MAML3: variants seen among roughly 807,000 people sequenced by gnomAD.
MAML3 encodes the protein mastermind like transcriptional coactivator 3, also known as mastermind-like protein 3.
Under a neutral mutation model 101.9 loss-of-function variants are expected in MAML3, and 27 were observed. The ratio of observed to expected loss-of-function variants is 0.27; its 90% confidence interval spans 0.20 to 0.37. The LOEUF (loss-of-function observed/expected upper bound fraction) is 0.37. Ranked by LOEUF, MAML3 falls within the 10% of genes least tolerant of loss-of-function variation. The probability of loss-of-function intolerance (pLI) is 1.00; values close to 1 mark genes in which losing one functional copy is unlikely to be tolerated. For missense variants in MAML3, 1,316 were observed against 1,444.9 expected, an observed-to-expected ratio of 0.91 and a Z score of 1.45; for synonymous variants, 501 against 555.9, an observed-to-expected ratio of 0.90 and a Z score of 1.39.
chr4:140,132,462 A>C (rs560663966), intron 1 of MAML3, among the ~76,000 whole-genome samples: 1 of 152,210 alleles, frequency 6.6e-6, no homozygotes, highest in Non-Finnish European at 1.5e-5. Context: ...GCCTTTTCTA[A>C]CTTCCTCTGG....
At chr4:139,843,001 G>T (rs1404221317) in intron 2 of MAML3, among the ~76,000 whole-genome samples, 1 of 151,786 alleles carries the variant, frequency 6.6e-6, no homozygotes, top group Non-Finnish European at 1.5e-5. Context: ...GGCTGGTCTT[G>T]AACCCCTGAC....
intron 1 of MAML3, among the ~76,000 whole-genome samples, chr4:140,031,928 C>T (rs902468212): frequency 3.5e-4 from 54 of 152,362 alleles, no homozygotes; most frequent in African/African-American, 1.2e-3. Flanking sequence ...ACCCCCAACT[C>T]TTACTGGAAG....
chr4:139,827,095 AG>A (rs1731074313), intron 2 of MAML3, among the ~76,000 whole-genome samples: 1 of 152,166 alleles, frequency 6.6e-6, no homozygotes, highest in Admixed American at 6.5e-5. Flanking sequence ...GCATGATAGG[AG>A]CGTCTTGGTG....
chr4:140,152,438 A>G (rs1009075735), intron 1 of MAML3, among the ~76,000 whole-genome samples: 1 of 151,550 alleles, frequency 6.6e-6, no homozygotes, highest in Middle Eastern at 3.2e-3. Context: ...GCGTAGGGGG[A>G]CGGGTCTGGG....
intron 1 of MAML3, among the ~76,000 whole-genome samples, chr4:140,083,504 G>A (rs1469782861): frequency 6.6e-6 from 1 of 152,186 alleles, no homozygotes; most frequent in Non-Finnish European, 1.5e-5. Context: ...AATACAGATG[G>A]ATATGTTCCT....
chr4:139,880,923 T>C (rs974876909), intron 2 of MAML3, among the ~76,000 whole-genome samples: 22 of 151,966 alleles, frequency 1.4e-4, no homozygotes, highest in Non-Finnish European at 2.5e-4. Flanking sequence ...ACAAAGAAGA[T>C]GGGAGATGGC....
chr4:139,780,816 G>C (rs1352809867), intron 2 of MAML3, among the ~76,000 whole-genome samples: 1 of 151,946 alleles, frequency 6.6e-6, no homozygotes, highest in Non-Finnish European at 1.5e-5. Flanking sequence ...TTTTAGCAGA[G>C]ACGGGTTTTA....
chr4:139,770,280 A>T (rs1237892233), intron 2 of MAML3, among the ~76,000 whole-genome samples: 1 of 152,154 alleles, frequency 6.6e-6, no homozygotes, highest in Non-Finnish European at 1.5e-5. Flanking sequence ...AGAAATTTTC[A>T]TTACCTTTGC....
At chr4:139,790,231 A>ATAT (rs1730381976) in intron 2 of MAML3, among the ~76,000 whole-genome samples, 1 of 144,070 alleles carries the variant, frequency 6.9e-6, no homozygotes, top group African/African-American at 2.6e-5. Flanking sequence ...ATATATATAT[A>ATAT]TATATATATA....
At chr4:140,090,337 A>G (rs1429623783) in intron 1 of MAML3, among the ~76,000 whole-genome samples, 3 of 152,246 alleles carry the variant, frequency 2.0e-5, no homozygotes, top group Admixed American at 6.5e-5. Context: ...ATGGAATGTT[A>G]GAATGTTGTT....
chr4:139,890,706 T>C lies in MAML3; in HGVS notation c.730A>G (p.Ser244Gly). 2 of 1,614,036 alleles carry C rather than the reference T, an allele frequency of 1.2e-6. No individual in the cohort carries two copies. The highest frequency in any genetic ancestry group is 1.1e-5 in the South Asian group (1 of 91,076). ...THTPGLLEDL[S>G]KNGRLPEIKL... ...ATCTCAGGGAGCCTACCATTCTTAC[T>C]TAGATCTTCTAGAAGCCCAGGAGTG... Residue 244 changes from serine (S) to glycine (G), a missense_variant, in exon 2 of 5, where the codon AGT becomes GGT. Transcript: ENST00000509479. This position sits in a 1 kb window ranked among gnomAD's most constrained non-coding sequence, Gnocchi z 4.1.
At chr4:139,934,099 G>A (rs1392415579) in intron 1 of MAML3, among the ~76,000 whole-genome samples, 3 of 152,074 alleles carry the variant, frequency 2.0e-5, no homozygotes, top group Non-Finnish European at 2.9e-5. Flanking sequence ...GTGTGAATGA[G>A]TGTGTGTCTA....
chr4:139,771,794 C>T (rs1729986027), intron 2 of MAML3, among the ~76,000 whole-genome samples: 1 of 152,100 alleles, frequency 6.6e-6, no homozygotes, highest in Non-Finnish European at 1.5e-5. Context: ...GAAGATGTAG[C>T]TTTCGGGGGC....
rs77641569 is a variant in MAML3, at chr4:139,957,332, G to T, written c.469-66365C>A. On this transcript the variant is annotated intron_variant, in intron 1 of 4. Transcript: ENST00000509479. ...TGATTAACTTGCCCAAAGTCACAAA[G>T]CCAAAATGCAGCAAGTTAGGAATCA... Among the ~76,000 whole-genome samples, 50 of 152,312 alleles carry T rather than the reference G, an allele frequency of 3.3e-4. 1 individual carries two copies. The highest frequency in any genetic ancestry group is 1.1e-3 in the African/African-American group (46 of 41,562).
intron 1 of MAML3, among the ~76,000 whole-genome samples, chr4:139,976,786 C>A (rs1734347077): frequency 6.6e-6 from 1 of 152,112 alleles, no homozygotes; most frequent in Non-Finnish European, 1.5e-5. Context: ...TAAATACATA[C>A]CCTAAATTAA....
chr4:139,890,618 T>C lies in MAML3; in HGVS notation c.818A>G (p.Asp273Gly), dbSNP rs2111199308. The C allele has an allele frequency of 1.9e-6, 3 of 1,613,978 alleles. No homozygotes were observed. In the South Asian group the frequency reaches 3.3e-5, roughly 18 times the overall value. Reference protein sequence around the residue: ...EDSFTILQSKDLKQEPLDDPT... With the variant: ...EDSFTILQSKGLKQEPLDDPT... ...GTCATCGAGAGGTTCTTGTTTGAGG[T>C]CTTTGCTCTGCAAGATGGTGAAGCT... Residue 273 changes from aspartate (D) to glycine (G), a missense_variant, in exon 2 of 5, where the codon GAC (aspartate) becomes GGC (glycine). Transcript: ENST00000509479. This position sits in a 1 kb window ranked among gnomAD's most constrained non-coding sequence, Gnocchi z 4.1.
chr4:140,105,648 C>T (rs943688139), intron 1 of MAML3, among the ~76,000 whole-genome samples: 3 of 152,124 alleles, frequency 2.0e-5, no homozygotes, highest in Non-Finnish European at 4.4e-5. Flanking sequence ...CAAACAGCTG[C>T]CTGTTTAAAT....
chr4:139,952,557 T>TA (rs141150774), intron 1 of MAML3, among the ~76,000 whole-genome samples: 3,349 of 150,958 alleles, frequency 0.022, 114 homozygotes, highest in South Asian at 0.074. Context: ...CCACTGCAGT[T>TA]AAAAAAAAAC....
chr4:140,086,867 G>A (rs1014998170), intron 1 of MAML3, among the ~76,000 whole-genome samples: 4 of 152,102 alleles, frequency 2.6e-5, no homozygotes, highest in Non-Finnish European at 5.9e-5. Flanking sequence ...TTTGAAAAAA[G>A]AATGAAAATA....
Sources: gnomAD v4.1 joint callset for allele counts (sites outside exome capture counted in the v4.1 genomes callset) on GRCh38, gnomAD v4.1.1 for gene constraint, Gnocchi (gnomAD v3.1) non-coding constraint, MANE v1.5 for transcripts, NCBI Gene and HGNC (gene_info 2026-07-23, HGNC 2026-07-21) for gene names.